The following CDH18 variants were observed in gnomAD, a reference collection of about 807,000 sequenced individuals.
CDH18 encodes the protein cadherin-18.
CDH18 carries 31 observed loss-of-function variants against 67.9 expected under a neutral mutation model. The observed-to-expected ratio is 0.46, with a 90% CI of 0.34 to 0.62. The LOEUF (loss-of-function observed/expected upper bound fraction) is 0.62. CDH18 is among the 20% of genes least tolerant of loss of function. CDH18 has a pLI of 0.01. For missense variants in CDH18, 890 were observed against 975.5 expected, an observed-to-expected ratio of 0.91 and a Z score of 1.17; for synonymous variants, 362 against 347.2, an observed-to-expected ratio of 1.04 and a Z score of -0.48.
chr5:20,532,746 C>T (rs548710814), intron 1 of CDH18, among the ~76,000 whole-genome samples: 1 of 152,186 alleles, frequency 6.6e-6, no homozygotes, highest in South Asian at 2.1e-4. Flanking sequence ...AACTCAAAAT[C>T]TCAAGCTTTC....
chr5:20,118,433 A>C (rs1412478104), intron 2 of CDH18, among the ~76,000 whole-genome samples: 1 of 152,162 alleles, frequency 6.6e-6, no homozygotes, highest in Non-Finnish European at 1.5e-5. Flanking sequence ...TTTTTAAAGC[A>C]GATGTTAGTA....
intron 7 of CDH18, among the ~76,000 whole-genome samples, chr5:19,580,061 G>A (rs577333894): frequency 2.0e-5 from 3 of 151,464 alleles, no homozygotes; most frequent in East Asian, 1.9e-4. Flanking sequence ...ACATATTTAC[G>A]GGGTATGGGA....
intron 2 of CDH18, among the ~76,000 whole-genome samples, chr5:20,215,669 G>A (rs977896293): frequency 1.3e-5 from 2 of 151,920 alleles, no homozygotes; most frequent in African/African-American, 2.4e-5. Context: ...AAAAGCACAT[G>A]CACATGTATG....
chr5:20,051,714 T>C (rs1364342618), intron 2 of CDH18, among the ~76,000 whole-genome samples: 2 of 152,012 alleles, frequency 1.3e-5, no homozygotes, highest in Non-Finnish European at 2.9e-5. Flanking sequence ...TATATCTAGA[T>C]ACAGATATAT....
In CDH18 at chr5:20,114,114, G is replaced by T. The variant is rs189037397; in HGVS notation, c.-517-122100C>A. On this transcript the variant is annotated intron_variant, in intron 2 of 14. Transcript: ENST00000507958. ...ATAAGCGGGACGCTCCTCACTCAAG[G>T]TTACCCAGATATATGCAACATCATC... 1.8e-4 allele frequency among the ~76,000 whole-genome samples: 27 copies of T among 152,280 alleles called. 1 individual carries two copies. Among genetic ancestry groups the T allele is most frequent in the Admixed American group, 1.4e-3 (22 of 15,290 alleles).
chr5:20,368,318 C>A (rs1343159913), intron 1 of CDH18, among the ~76,000 whole-genome samples: 1 of 152,080 alleles, frequency 6.6e-6, no homozygotes, highest in Non-Finnish European at 1.5e-5. Flanking sequence ...AATATGATCA[C>A]CTTAATGTCT....
chr5:19,571,573 C>A lies in CDH18; in HGVS notation c.1253+6G>T. Reference sequence around the variant, plus strand: ...TCTATGTCTAAACGATTGAAGCATGCCATACCTTACTAAGCTGTTAGTACT... The same window carrying A: ...TCTATGTCTAAACGATTGAAGCATGACATACCTTACTAAGCTGTTAGTACT... On this transcript the variant is annotated splice_donor_region_variant and intron_variant, in intron 8 of 12. Coordinates refer to ENST00000382275, the MANE Select transcript of CDH18 (RefSeq NM_004934.5). 2 of 1,613,170 alleles carry A rather than the reference C, an allele frequency of 1.2e-6. No individual in the cohort carries two copies. The highest frequency in any genetic ancestry group is 1.7e-6 in the Non-Finnish European group (2 of 1,179,266).
intron 1 of CDH18, among the ~76,000 whole-genome samples, chr5:20,462,529 T>C (rs1033794464): frequency 6.6e-6 from 1 of 152,174 alleles, no homozygotes; most frequent in Admixed American, 6.5e-5. Context: ...ATGATAAATA[T>C]CAAAGTGATG....
intron 5 of CDH18, among the ~76,000 whole-genome samples, chr5:19,654,480 G>A (rs913878731): frequency 2.0e-5 from 3 of 152,078 alleles, no homozygotes; most frequent in East Asian, 1.9e-4. Flanking sequence ...CTGTTTAGCC[G>A]CTGTGCATTC....
intron 2 of CDH18, among the ~76,000 whole-genome samples, chr5:20,240,038 C>T (rs905182837): frequency 6.6e-6 from 1 of 151,218 alleles, no homozygotes; most frequent in Non-Finnish European, 1.5e-5. Context: ...ACAAAAAAGA[C>T]AAAAATAGTT....
At chr5:20,322,309 C>T (rs1234498891) in intron 1 of CDH18, among the ~76,000 whole-genome samples, 1 of 152,032 alleles carries the variant, frequency 6.6e-6, no homozygotes, top group Non-Finnish European at 1.5e-5. Flanking sequence ...TAACTATTGC[C>T]ATCCACAATA....
At chr5:20,322,929 A>T (rs1051373803) in intron 1 of CDH18, among the ~76,000 whole-genome samples, 2 of 152,170 alleles carry the variant, frequency 1.3e-5, no homozygotes, top group Admixed American at 1.3e-4. Flanking sequence ...CATGAAAAGT[A>T]AACCAGTATT....
chr5:19,632,215 AC>A (rs1173841640), intron 5 of CDH18, among the ~76,000 whole-genome samples: 1 of 152,194 alleles, frequency 6.6e-6, no homozygotes, highest in Non-Finnish European at 1.5e-5. Flanking sequence ...TCCAAAGCAG[AC>A]ATATAAGTCT....
At chr5:19,501,760 A>G (rs899497815) in intron 11 of CDH18, among the ~76,000 whole-genome samples, 1 of 152,154 alleles carries the variant, frequency 6.6e-6, no homozygotes, top group East Asian at 1.9e-4. Context: ...CCAATCTCCT[A>G]AGGAAGCAAG....
intron 4 of CDH18, among the ~76,000 whole-genome samples, chr5:19,743,029 G>A (rs1045930999): frequency 6.6e-6 from 1 of 152,080 alleles, no homozygotes; most frequent in Non-Finnish European, 1.5e-5. Flanking sequence ...GTGTTTAGAA[G>A]CAAACCTTCA....
chr5:19,496,900 C>T (rs1267258104), intron 11 of CDH18, among the ~76,000 whole-genome samples: 1 of 150,974 alleles, frequency 6.6e-6, no homozygotes, highest in Admixed American at 6.6e-5. Flanking sequence ...TCCTTCTGTC[C>T]AAAGGTGTCA....
chr5:19,749,770 C>T (rs1442751754), intron 3 of CDH18, among the ~76,000 whole-genome samples: 2 of 151,070 alleles, frequency 1.3e-5, no homozygotes, highest in Non-Finnish European at 3.0e-5. Context: ...AATTTTAAGA[C>T]TTGAATCTGA....
At chr5:20,467,200 A>C (rs754217503) in intron 1 of CDH18, among the ~76,000 whole-genome samples, 2 of 152,132 alleles carry the variant, frequency 1.3e-5, no homozygotes, top group African/African-American at 4.8e-5. Flanking sequence ...ATATTATTCA[A>C]TATATAAGTA....
intron 1 of CDH18, among the ~76,000 whole-genome samples, chr5:20,389,357 A>G (rs1744614598): frequency 6.6e-6 from 1 of 152,042 alleles, no homozygotes; most frequent in Non-Finnish European, 1.5e-5. Context: ...CTGTTTTTTC[A>G]GAGACTAGTA....
Sources: gnomAD v4.1 joint callset for allele counts (sites outside exome capture counted in the v4.1 genomes callset) on GRCh38, gnomAD v4.1.1 for gene constraint, MANE v1.5 for transcripts, NCBI Gene and HGNC (gene_info 2026-07-23, HGNC 2026-07-21) for gene names.